KCNC2: variants seen among roughly 807,000 people sequenced by gnomAD.
The protein encoded by KCNC2 is potassium voltage-gated channel subfamily C member 2, also known as voltage-gated potassium channel KCNC2.
A neutral mutation model predicts 44.5 loss-of-function variants in KCNC2; 21 were observed. The observed-to-expected ratio is 0.47, with a 90% CI of 0.33 to 0.68. The LOEUF (loss-of-function observed/expected upper bound fraction) is 0.68. KCNC2 is among the 30% of genes least tolerant of loss of function. The pLI is 0.01. For missense variants in KCNC2, 589 were observed against 826.2 expected (o/e 0.71, Z 3.52); for synonymous variants, 391 against 339.1 (o/e 1.15, Z -1.68).
At chr12:75,052,537 T>C (rs560075788) in intron 2 of KCNC2, among the ~76,000 whole-genome samples, 1 of 152,162 alleles carries the variant, frequency 6.6e-6, no homozygotes, top group African/African-American at 2.4e-5. Context: ...TGAACACCAA[T>C]AGGTTCTTCC....
chr12:75,170,560 A>C (rs1440012940), intron 2 of KCNC2, among the ~76,000 whole-genome samples: 6 of 151,814 alleles, frequency 4.0e-5, no homozygotes, highest in African/African-American at 1.2e-4. Flanking sequence ...AGAAAAACCC[A>C]AAAAAAGTTC....
chr12:75,098,164 A>G (rs915951324), intron 2 of KCNC2, among the ~76,000 whole-genome samples: 5 of 152,174 alleles, frequency 3.3e-5, no homozygotes, highest in Non-Finnish European at 5.9e-5. Context: ...ACTTAAGAAC[A>G]TGATTATCCT....
At chr12:75,099,537 A>G (rs545217716) in intron 2 of KCNC2, among the ~76,000 whole-genome samples, 1 of 152,310 alleles carries the variant, frequency 6.6e-6, no homozygotes, top group Admixed American at 6.5e-5. Flanking sequence ...ATGAGCTTGA[A>G]GATTACAAAG....
intron 2 of KCNC2, among the ~76,000 whole-genome samples, chr12:75,194,459 T>C (rs1390447712): frequency 6.6e-6 from 1 of 152,170 alleles, no homozygotes; most frequent in Non-Finnish European, 1.5e-5. Context: ...CCAAACTAGC[T>C]TCTAGCCTCC....
intron 2 of KCNC2, among the ~76,000 whole-genome samples, chr12:75,072,916 G>C (rs898739874): frequency 6.6e-6 from 1 of 152,112 alleles, no homozygotes; most frequent in Non-Finnish European, 1.5e-5. Flanking sequence ...CTCTTGATAA[G>C]ACAGTTTTCA....
intron 2 of KCNC2, among the ~76,000 whole-genome samples, chr12:75,063,010 A>G (rs1379960): frequency 0.16 from 24,545 of 152,078 alleles, 2,185 homozygotes; most frequent in Middle Eastern, 0.26. Flanking sequence ...AAAGACAGCT[A>G]TGGATTGTTC....
intron 2 of KCNC2, among the ~76,000 whole-genome samples, chr12:75,087,327 A>C (rs555595004): frequency 1.3e-5 from 2 of 152,198 alleles, no homozygotes; most frequent in East Asian, 3.9e-4. Context: ...GCATTAGTAC[A>C]TGCTACCTCT....
chr12:75,085,568 A>G (rs1383708515), intron 2 of KCNC2, among the ~76,000 whole-genome samples: 2 of 152,108 alleles, frequency 1.3e-5, no homozygotes, highest in African/African-American at 4.8e-5. Context: ...TGAATCTAAC[A>G]TCAGAGCCTT....
At chr12:75,159,908 A>G (rs1891009764) in intron 2 of KCNC2, among the ~76,000 whole-genome samples, 1 of 151,878 alleles carries the variant, frequency 6.6e-6, no homozygotes, top group Admixed American at 6.6e-5. Context: ...GTGATTGACC[A>G]TCTTTGAATC....
chr12:75,099,140 G>C (rs1886171697), intron 2 of KCNC2, among the ~76,000 whole-genome samples: 1 of 152,146 alleles, frequency 6.6e-6, no homozygotes, highest in South Asian at 2.1e-4. Flanking sequence ...TTATGCAATT[G>C]TAAACAGAAA....
rs775299306 is a variant in KCNC2 at position 75,207,645 on chromosome 12, A to G, written c.339T>C (p.Tyr113=). ...FFDRHPGVFA[Y]VLNYYRTGKL... is the part of the protein sequence containing the mutation. Reference sequence around the variant, plus strand: ...TGCCGGTGCGGTAGTAATTGAGCACATAGGCGAAGACGCCCGGGTGCCGGT... The same window carrying G: ...TGCCGGTGCGGTAGTAATTGAGCACGTAGGCGAAGACGCCCGGGTGCCGGT... Residue 113 remains tyrosine (Y), a synonymous_variant, in exon 2 of 5, where the codon TAT becomes TAC. Coordinates refer to ENST00000549446, the MANE Select transcript of KCNC2 (RefSeq NM_139137.4). This position sits in a 1 kb window ranked among gnomAD's most constrained non-coding sequence, Gnocchi z 4.1. 2.5e-6 allele frequency: 4 copies of G among 1,611,620 alleles called. No homozygotes were observed. The East Asian group carries it at 6.7e-5, about 27-fold the overall frequency.
chr12:75,187,751 G>T (rs1175913515), intron 2 of KCNC2, among the ~76,000 whole-genome samples: 1 of 152,000 alleles, frequency 6.6e-6, no homozygotes, highest in African/African-American at 2.4e-5. Context: ...ATAATAACCC[G>T]ACGACTATAA....
Position 75,042,232 on chromosome 12 carries a change from C to A in KCNC2, c.*873G>T. Reference sequence around the variant, plus strand: ...TTTTTTTTTTTTAAAGAGTCTAGAACCAAGCAGCAATTTCTGGCTAAACAA... The same window carrying A: ...TTTTTTTTTTTTAAAGAGTCTAGAAACAAGCAGCAATTTCTGGCTAAACAA... On this transcript the variant is annotated 3_prime_UTR_variant, in exon 5 of 5. Transcript: ENST00000549446. The A allele has an allele frequency of 6.4e-7, 1 of 1,570,522 alleles. No homozygotes were observed. Among genetic ancestry groups the A allele is most frequent in the South Asian group, 1.2e-5 (1 of 84,176 alleles).
Position 75,207,224 on chromosome 12 carries a change from G to C in KCNC2, c.687+73C>G, listed in dbSNP as rs2031758352. The C allele has an allele frequency of 5.4e-6, 8 of 1,495,046 alleles. 1 individual carries two copies. The South Asian group carries it at 1.0e-4, about 20-fold the overall frequency. 92.6% of individuals were successfully genotyped at this position (1,495,046 alleles called of 1,614,324 possible). On this transcript the variant is annotated intron_variant, in intron 2 of 4. Transcript: ENST00000549446. This position sits in a 1 kb window ranked among gnomAD's most constrained non-coding sequence, Gnocchi z 4.1. ...CCCCCATGCCTGAGGCCCTGGGGTG[G>C]AAAAGAACAGAAAGTTGGGGAGGGA...
rs138227124 is a variant in KCNC2 at position 75,130,523 on chromosome 12, C to T, written c.687+76774G>A. ...CTAGCACCAGTAATAGGAAATGTTA[C>T]GGTTGTAAAGATGAATAAAACCTAA... On this transcript the variant is annotated intron_variant, in intron 2 of 4. Transcript: ENST00000549446. Among the ~76,000 whole-genome samples, 211 of 152,148 alleles carry T rather than the reference C, an allele frequency of 1.4e-3. 1 individual carries two copies. The highest frequency in any genetic ancestry group is 4.7e-3 in the African/African-American group (196 of 41,516).
chr12:75,187,115 G>A (rs1000969133), intron 2 of KCNC2, among the ~76,000 whole-genome samples: 2 of 152,072 alleles, frequency 1.3e-5, no homozygotes, highest in African/African-American at 4.8e-5. Context: ...GATGTTTTCA[G>A]AAAACTGACA....
chr12:75,054,738 A>G (rs1881556596), intron 2 of KCNC2, among the ~76,000 whole-genome samples: 1 of 152,162 alleles, frequency 6.6e-6, no homozygotes, highest in Non-Finnish European at 1.5e-5. Context: ...GGGGAAATGT[A>G]GCACCCATGA....
intron 2 of KCNC2, among the ~76,000 whole-genome samples, chr12:75,125,927 G>A (rs924538715): frequency 1.3e-5 from 2 of 152,066 alleles, no homozygotes; most frequent in African/African-American, 2.4e-5. Context: ...ATAAAATTCT[G>A]TTTGACTATT....
At position 75,042,720 on chromosome 12, in the gene KCNC2, C is replaced by A; in HGVS notation, c.*385G>T. 1 of 1,164,340 alleles carries A rather than the reference C, an allele frequency of 8.6e-7. No individual in the cohort carries two copies. The highest frequency in any genetic ancestry group is 1.1e-6 in the Non-Finnish European group (1 of 942,612). 72.1% of individuals were successfully genotyped at this position (1,164,340 alleles called of 1,614,324 possible). On this transcript the variant is annotated 3_prime_UTR_variant, in exon 5 of 5. Coordinates refer to ENST00000549446, the MANE Select transcript of KCNC2 (RefSeq NM_139137.4). ...ATCAAGATAGGATCCCAGACATCTTCAGAATGGTTTACAGTCACAAGAAAT... is the reference window on the plus strand; with the variant it reads ...ATCAAGATAGGATCCCAGACATCTTAAGAATGGTTTACAGTCACAAGAAAT...
Sources: gnomAD v4.1 joint callset for allele counts (sites outside exome capture counted in the v4.1 genomes callset) on GRCh38, gnomAD v4.1.1 for gene constraint, Gnocchi (gnomAD v3.1) non-coding constraint, MANE v1.5 for transcripts, NCBI Gene and HGNC (gene_info 2026-07-23, HGNC 2026-07-21) for gene names.